TMEM117: variants seen among roughly 807,000 people sequenced by gnomAD.
TMEM117 encodes transmembrane protein 117.
In TMEM117, 27 loss-of-function variants were observed where a neutral mutation model predicts 52.4. That is an observed-to-expected ratio of 0.51 (90% CI 0.38 to 0.71). TMEM117 has a LOEUF of 0.71. Among genes scored for constraint, TMEM117 ranks in the 30% least tolerant of loss-of-function variants. TMEM117 has a pLI of 0.00. For synonymous variants in TMEM117, 215 were observed against 206.3 expected (o/e 1.04, Z -0.36); for missense variants, 556 against 630.5 (o/e 0.88, Z 1.26).
chr12:44,381,330 C>T (rs1319584182), intron 7 of TMEM117, among the ~76,000 whole-genome samples: 1 of 152,170 alleles, frequency 6.6e-6, no homozygotes, highest in Non-Finnish European at 1.5e-5. Flanking sequence ...ATCTTCTCTG[C>T]CCTCTTCCCC....
At chr12:43,932,893 G>T (rs1944893684) in intron 2 of TMEM117, among the ~76,000 whole-genome samples, 1 of 152,136 alleles carries the variant, frequency 6.6e-6, no homozygotes, top group Non-Finnish European at 1.5e-5. Context: ...TCAAATTCAG[G>T]ATAAAAGGGA....
chr12:44,015,781 T>C (rs930879618), intron 3 of TMEM117, among the ~76,000 whole-genome samples: 1 of 152,220 alleles, frequency 6.6e-6, no homozygotes, highest in African/African-American at 2.4e-5. Flanking sequence ...CACAGATTTG[T>C]TTGTTATGTG....
chr12:44,101,797 G>A (rs1333046592), intron 3 of TMEM117, among the ~76,000 whole-genome samples: 2 of 151,992 alleles, frequency 1.3e-5, no homozygotes, highest in Non-Finnish European at 2.9e-5. Context: ...TCCTGAGCAT[G>A]TGGCTGTCCT....
chr12:44,057,055 C>T (rs537106060), intron 3 of TMEM117, among the ~76,000 whole-genome samples: 20 of 152,268 alleles, frequency 1.3e-4, no homozygotes, highest in East Asian at 7.7e-4. Context: ...TAATGACCTT[C>T]GGAAAGAAAC....
chr12:43,986,108 T>A (rs1945842983), intron 3 of TMEM117, among the ~76,000 whole-genome samples: 2 of 152,116 alleles, frequency 1.3e-5, no homozygotes, highest in South Asian at 4.1e-4. Flanking sequence ...AATTACTGAT[T>A]AAAGTGAAGA....
At chr12:44,103,862 G>A (rs186889249) in intron 3 of TMEM117, among the ~76,000 whole-genome samples, 68 of 152,020 alleles carry the variant, frequency 4.5e-4, no homozygotes, top group African/African-American at 8.7e-4. Flanking sequence ...TCCCCCTCAA[G>A]CACTTTTAAA....
chr12:44,098,164 C>T (rs990770710), intron 3 of TMEM117, among the ~76,000 whole-genome samples: 10 of 152,002 alleles, frequency 6.6e-5, no homozygotes, highest in Non-Finnish European at 2.9e-5. Context: ...ATTCATTCAG[C>T]CAAACAAATA....
intron 2 of TMEM117, among the ~76,000 whole-genome samples, chr12:43,859,738 G>T (rs2137393980): frequency 6.6e-6 from 1 of 152,244 alleles, no homozygotes; most frequent in East Asian, 1.9e-4. Context: ...ATGTGAGGAA[G>T]ACTGATAGTG....
chr12:43,894,849 GC>G (rs201870552), intron 2 of TMEM117, among the ~76,000 whole-genome samples: 2 of 17,454 alleles, frequency 1.1e-4, no homozygotes, highest in Admixed American at 8.3e-4. Flanking sequence ...GATTTTCAAT[GC>G]CCTTTTTTTT....
intron 2 of TMEM117, among the ~76,000 whole-genome samples, chr12:43,879,920 A>G (rs959982153): frequency 6.6e-6 from 1 of 152,190 alleles, no homozygotes; most frequent in African/African-American, 2.4e-5. Flanking sequence ...CCAGCTGGCT[A>G]GAAAAAAATT....
chr12:43,926,480 T>G (rs1026235245), intron 2 of TMEM117, among the ~76,000 whole-genome samples: 1 of 152,230 alleles, frequency 6.6e-6, no homozygotes, highest in Non-Finnish European at 1.5e-5. Flanking sequence ...CAGATTTAAA[T>G]TCACATTAGT....
chr12:44,238,274 T>C (rs1460914128), intron 5 of TMEM117, among the ~76,000 whole-genome samples: 1 of 152,156 alleles, frequency 6.6e-6, no homozygotes, highest in East Asian at 1.9e-4. Context: ...TTTACAAATA[T>C]TGTAAGTACA....
At chr12:44,360,982 A>C (rs1326446305) in intron 6 of TMEM117, among the ~76,000 whole-genome samples, 2 of 152,194 alleles carry the variant, frequency 1.3e-5, no homozygotes, top group Non-Finnish European at 2.9e-5. Context: ...AAAGATATGA[A>C]CTGAGCATTG....
At chr12:44,347,654 T>C (rs1951506118) in intron 6 of TMEM117, among the ~76,000 whole-genome samples, 1 of 152,032 alleles carries the variant, frequency 6.6e-6, no homozygotes, top group Admixed American at 6.6e-5. Context: ...CTGTCCCTTC[T>C]CTCTTGGGAA....
At chr12:44,357,131 G>T (rs565453379) in intron 6 of TMEM117, among the ~76,000 whole-genome samples, 6 of 152,064 alleles carry the variant, frequency 3.9e-5, no homozygotes, top group Non-Finnish European at 7.4e-5. Context: ...TCTTCAGTTG[G>T]CAAAATCTTA....
chr12:44,219,479 A>C (rs1949760887), intron 5 of TMEM117, among the ~76,000 whole-genome samples: 1 of 152,222 alleles, frequency 6.6e-6, no homozygotes, highest in Non-Finnish European at 1.5e-5. Context: ...TTAAGCAAGA[A>C]AAAGATGTAC....
intron 2 of TMEM117, among the ~76,000 whole-genome samples, chr12:43,916,526 C>G (rs1368489599): frequency 6.6e-6 from 1 of 152,102 alleles, no homozygotes; most frequent in Non-Finnish European, 1.5e-5. Flanking sequence ...GATTTTATTA[C>G]TTTATTGTAC....
At position 43,882,426 on chromosome 12, in the gene TMEM117, C is replaced by T. The variant is rs561742143; in HGVS notation, c.277+37498C>T. Reference sequence around the variant, plus strand: ...AGTGAGCCAAGATCACACCATTGCACTCCAGCTTTGGGGACAAGAGTGAAA... The same window carrying T: ...AGTGAGCCAAGATCACACCATTGCATTCCAGCTTTGGGGACAAGAGTGAAA... On this transcript the variant is annotated intron_variant, in intron 2 of 7. Transcript: ENST00000266534. Among the ~76,000 whole-genome samples, 99 of 148,358 alleles carry T rather than the reference C, an allele frequency of 6.7e-4. 1 individual carries two copies. The highest frequency in any genetic ancestry group is 2.3e-3 in the African/African-American group (93 of 40,116).
chr12:44,172,544 T>G (rs1949061510), intron 4 of TMEM117, among the ~76,000 whole-genome samples: 1 of 152,196 alleles, frequency 6.6e-6, no homozygotes, highest in Non-Finnish European at 1.5e-5. Context: ...CCTATTCCAG[T>G]ATGACATCTT....
Sources: gnomAD v4.1 joint callset for allele counts (sites outside exome capture counted in the v4.1 genomes callset) on GRCh38, gnomAD v4.1.1 for gene constraint, MANE v1.5 for transcripts, NCBI Gene and HGNC (gene_info 2026-07-23, HGNC 2026-07-21) for gene names.